The following BNC2 variants were observed in gnomAD, a reference collection of about 807,000 sequenced individuals.
BNC2 encodes basonuclin zinc finger protein 2.
A neutral mutation model predicts 76.3 loss-of-function variants in BNC2; 20 were observed. The ratio of observed to expected loss-of-function variants is 0.26; its 90% confidence interval spans 0.18 to 0.38. The LOEUF (loss-of-function observed/expected upper bound fraction) is 0.38. Among genes scored for constraint, BNC2 ranks in the 10% least tolerant of loss-of-function variants. The pLI is 1.00. For synonymous variants in BNC2, 582 were observed against 514.8 expected (o/e 1.13, Z -1.77); for missense variants, 1,382 against 1,399.8 (o/e 0.99, Z 0.20).
chr9:16,534,569 A>C (rs1818073737), intron 5 of BNC2, among the ~76,000 whole-genome samples: 1 of 152,152 alleles, frequency 6.6e-6, no homozygotes, highest in South Asian at 2.1e-4. Context: ...CTGGAAACAA[A>C]TAATGCACTA....
chr9:16,642,805 T>C (rs1821525148), intron 3 of BNC2, among the ~76,000 whole-genome samples: 1 of 152,132 alleles, frequency 6.6e-6, no homozygotes, highest in African/African-American at 2.4e-5. Flanking sequence ...TGAAAAGCAA[T>C]AATCAAATCC....
At chr9:16,794,808 C>G (rs1817602060) in intron 1 of BNC2, among the ~76,000 whole-genome samples, 1 of 151,922 alleles carries the variant, frequency 6.6e-6, no homozygotes, top group African/African-American at 2.4e-5. Flanking sequence ...ATTTGTTTTT[C>G]AAAAAATTAG....
Position 16,417,705 on chromosome 9 carries a change from C to A in BNC2, c.*1284G>T, listed in dbSNP as rs1347454754. ...TGGAAATGAGTGTTCGACTCTTTTA[C>A]TGTATTCATCTTTGTTCCGTAGCGG... On this transcript the variant is annotated 3_prime_UTR_variant, in exon 7 of 7. Coordinates refer to ENST00000380672, the MANE Select transcript of BNC2 (RefSeq NM_017637.6). 6.6e-6 allele frequency: 1 copy of A among 152,660 alleles called. No individual in the cohort carries two copies. Among genetic ancestry groups the A allele is most frequent in the Non-Finnish European group, 1.5e-5 (1 of 68,030 alleles). 9.5% of individuals were successfully genotyped at this position (152,660 alleles called of 1,614,324 possible). A position where few individuals can be genotyped will look rare whatever the true frequency, so the allele number is the denominator to read the frequency against.
intron 1 of BNC2, among the ~76,000 whole-genome samples, chr9:16,815,875 G>T (rs927211910): frequency 1.2e-4 from 18 of 152,070 alleles, no homozygotes; most frequent in African/African-American, 4.3e-4. Flanking sequence ...CACAAAGATG[G>T]AACAATCTCA....
intron 3 of BNC2, among the ~76,000 whole-genome samples, chr9:16,654,929 A>T (rs981556789): frequency 6.6e-6 from 1 of 152,038 alleles, no homozygotes; most frequent in African/African-American, 2.4e-5. Context: ...AATAAAAGTG[A>T]GTTAGAATAG....
At position 16,462,550 on chromosome 9, in the gene BNC2, C is replaced by T. The variant is rs1157727542; in HGVS notation, c.670-25026G>A. Among the ~76,000 whole-genome samples, 4 of 152,176 alleles carry T rather than the reference C, an allele frequency of 2.6e-5. 1 individual carries two copies. In the East Asian group the frequency reaches 7.7e-4, roughly 29 times the overall value. On this transcript the variant is annotated intron_variant, in intron 5 of 6. Coordinates refer to ENST00000380672, the MANE Select transcript of BNC2 (RefSeq NM_017637.6). ...TGGAGAAAAGTAAGAGAAAAAAAGC[C>T]CTATCTAACACCAGGAAAAAACTCC...
intron 1 of BNC2, among the ~76,000 whole-genome samples, chr9:16,809,218 T>G (rs1202874714): frequency 6.6e-6 from 1 of 152,166 alleles, no homozygotes; most frequent in Non-Finnish European, 1.5e-5. Context: ...GAGGAAGAAC[T>G]GTTGACAATG....
intron 1 of BNC2, among the ~76,000 whole-genome samples, chr9:16,782,832 G>C (rs780642017): frequency 6.6e-4 from 101 of 152,176 alleles, no homozygotes; most frequent in Non-Finnish European, 1.9e-4. Flanking sequence ...CTAGCACATA[G>C]TATGAACATG....
chr9:16,747,242 AG>A (rs1331184203), intron 1 of BNC2, among the ~76,000 whole-genome samples: 3 of 152,216 alleles, frequency 2.0e-5, no homozygotes, highest in African/African-American at 7.2e-5. Context: ...TTTCATGAAA[AG>A]TTTCAAGAAA....
intron 5 of BNC2, among the ~76,000 whole-genome samples, chr9:16,539,694 GA>G (rs1818249561): frequency 8.7e-6 from 1 of 115,054 alleles, no homozygotes; most frequent in African/African-American, 4.5e-5. Context: ...AAGGAAGGGA[GA>G]AAGGAAGGGA....
At chr9:16,545,599 G>A (rs1391205460) in intron 5 of BNC2, among the ~76,000 whole-genome samples, 1 of 152,088 alleles carries the variant, frequency 6.6e-6, no homozygotes, top group African/African-American at 2.4e-5. Flanking sequence ...TAAAAAGAAG[G>A]CATAATTATA....
chr9:16,590,121 G>T (rs576436814), intron 3 of BNC2, among the ~76,000 whole-genome samples: 50 of 151,974 alleles, frequency 3.3e-4, no homozygotes, highest in Non-Finnish European at 6.0e-4. Context: ...TAGCCAGTAT[G>T]TACAGCGGTA....
intron 3 of BNC2, chr9:16,726,884 C>T (rs749640152): frequency 3.3e-5 from 5 of 152,304 alleles, no homozygotes; most frequent in Non-Finnish European, 2.9e-5. Context: ...CCCTCGCTCC[C>T]CCGCGGAGCC....
At chr9:16,609,248 G>C (rs1179261631) in intron 3 of BNC2, among the ~76,000 whole-genome samples, 1 of 152,120 alleles carries the variant, frequency 6.6e-6, no homozygotes, top group Non-Finnish European at 1.5e-5. Context: ...CCTACTCTGT[G>C]CTGGGGATTG....
At chr9:16,539,605 GGAGA>G (rs369109556) in intron 5 of BNC2, among the ~76,000 whole-genome samples, 2 of 56,798 alleles carry the variant, frequency 3.5e-5, no homozygotes, top group Non-Finnish European at 6.1e-5. Flanking sequence ...AGCGAGGGAG[GGAGA>G]GAGAGAGAGA....
rs73646152 is a variant in BNC2, at chr9:16,693,312, G to A, written c.330+34485C>T. On this transcript the variant is annotated intron_variant, in intron 3 of 6. Coordinates refer to ENST00000380672, the MANE Select transcript of BNC2 (RefSeq NM_017637.6). ...AAAAAGTAAAGAGTTTCCAGAGAAC[G>A]TGCATGAATAAAATCTGAAGAACCC... Among the ~76,000 whole-genome samples, 1,338 of 152,172 alleles carry A rather than the reference G, an allele frequency of 8.8e-3. 30 individuals are homozygous for A. Among genetic ancestry groups the A allele is most frequent in the African/African-American group, 0.03 (1,244 of 41,522 alleles).
chr9:16,691,504 CTTT>C (rs71327842), intron 3 of BNC2, among the ~76,000 whole-genome samples: 28 of 113,202 alleles, frequency 2.5e-4, no homozygotes, highest in Non-Finnish European at 3.7e-4. Flanking sequence ...GGTATGGGTT[CTTT>C]TTTTTTTTTT....
chr9:16,481,694 G>A (rs1411025520), intron 5 of BNC2, among the ~76,000 whole-genome samples: 2 of 152,116 alleles, frequency 1.3e-5, no homozygotes, highest in Admixed American at 6.5e-5. Flanking sequence ...CAATTTCAAT[G>A]AGTATTTTTT....
intron 3 of BNC2, among the ~76,000 whole-genome samples, chr9:16,686,556 C>A (rs1822984492): frequency 6.6e-6 from 1 of 152,166 alleles, no homozygotes; most frequent in African/African-American, 2.4e-5. Context: ...AGCATCATCT[C>A]ACCTTTGTCT....
Sources: allele counts gnomAD v4.1 joint callset (sites outside exome capture counted in the v4.1 genomes callset), GRCh38; gene constraint gnomAD v4.1.1; transcripts MANE v1.5; gene names NCBI Gene and HGNC (gene_info 2026-07-23, HGNC 2026-07-21).